Variants in AFG2A observed in about 807,000 individuals in gnomAD.
AFG2A encodes AAA ATPase AFG2A.
the AFG2A span, among the ~76,000 whole-genome samples, chr4:123,055,384 T>C: frequency 0.022 from 3,303 of 152,308 alleles, 63 homozygotes; most frequent in Non-Finnish European, 0.036. Context: ...GAGTTTCTTC[T>C]GTATGTTTTG....
the AFG2A span, among the ~76,000 whole-genome samples, chr4:123,123,900 C>T: frequency 1.4e-3 from 191 of 132,252 alleles, no homozygotes; most frequent in Non-Finnish European, 2.2e-3. Flanking sequence ...TGCAGTGAGT[C>T]GAGATCGCGC....
chr4:123,256,788 T>C, the AFG2A span: 33 of 984,910 alleles, frequency 3.4e-5, no homozygotes, highest in Non-Finnish European at 3.9e-5. Flanking sequence ...AAAATGACTT[T>C]TATGTATGGC....
chr4:122,934,463 G>A, the AFG2A span: 2 of 1,614,228 alleles, frequency 1.2e-6, no homozygotes, highest in African/African-American at 1.3e-5. Flanking sequence ...GGTCTTAAAT[G>A]TAATTTTGAA....
the AFG2A span, among the ~76,000 whole-genome samples, chr4:123,140,953 A>G: frequency 1.3e-5 from 2 of 152,194 alleles, no homozygotes; most frequent in Non-Finnish European, 2.9e-5. Flanking sequence ...TCTAGATTGC[A>G]TAACTAATAA....
the AFG2A span, among the ~76,000 whole-genome samples, chr4:123,103,160 C>G: frequency 6.6e-6 from 1 of 151,964 alleles, no homozygotes; most frequent in Non-Finnish European, 1.5e-5. Flanking sequence ...CAAAGAGCAG[C>G]TTAAAGAAAT....
At chr4:123,077,487 A>G in the AFG2A span, among the ~76,000 whole-genome samples, 1 of 152,196 alleles carries the variant, frequency 6.6e-6, no homozygotes, top group African/African-American at 2.4e-5. Context: ...GGCAGAAACC[A>G]TGAGGCTCAT....
At chr4:122,923,158 A>G in the AFG2A span, 57 of 1,614,188 alleles carry the variant, frequency 3.5e-5, no homozygotes, top group African/African-American at 6.1e-4. Context: ...TTCCAAGAAG[A>G]ATAGAAAGCG....
At chr4:122,969,049 T>G in the AFG2A span, among the ~76,000 whole-genome samples, 1 of 151,974 alleles carries the variant, frequency 6.6e-6, no homozygotes, top group Non-Finnish European at 1.5e-5. Flanking sequence ...TTTAAATATC[T>G]TCTACTCTGT....
At chr4:123,176,676 G>A in the AFG2A span, among the ~76,000 whole-genome samples, 1 of 152,074 alleles carries the variant, frequency 6.6e-6, no homozygotes. Context: ...AGCCTTGTAT[G>A]GACCAATGTG....
At chr4:123,188,753 T>G in the AFG2A span, among the ~76,000 whole-genome samples, 1 of 152,214 alleles carries the variant, frequency 6.6e-6, no homozygotes, top group African/African-American at 2.4e-5. Context: ...ATAAATAGGA[T>G]TAATCATAAA....
the AFG2A span, among the ~76,000 whole-genome samples, chr4:123,218,799 T>G: frequency 1.3e-5 from 2 of 152,178 alleles, no homozygotes; most frequent in African/African-American, 4.8e-5. Flanking sequence ...CACTCTAAGT[T>G]GAGTGGGAAT....
At chr4:123,319,177 TA>T in the AFG2A span, 6 of 152,290 alleles carry the variant, frequency 3.9e-5, no homozygotes, top group Non-Finnish European at 5.9e-5. Flanking sequence ...TTTGCATTTA[TA>T]AAAAAAGATT....
chr4:123,242,510 A>G, the AFG2A span, among the ~76,000 whole-genome samples: 7 of 152,362 alleles, frequency 4.6e-5, no homozygotes, highest in Non-Finnish European at 8.8e-5. Context: ...AGGATTCCCT[A>G]TTTAATACAT....
At chr4:123,165,927 TTTG>T in the AFG2A span, among the ~76,000 whole-genome samples, 1 of 152,216 alleles carries the variant, frequency 6.6e-6, no homozygotes, top group African/African-American at 2.4e-5. Context: ...GCCTTAAATA[TTTG>T]TTAATATCTG....
At chr4:123,048,145 C>T in the AFG2A span, among the ~76,000 whole-genome samples, 14 of 151,962 alleles carry the variant, frequency 9.2e-5, no homozygotes, top group African/African-American at 3.4e-4. Flanking sequence ...TTCTTGATGC[C>T]CTTGTCGAAA....
chr4:123,312,711 A>T, the AFG2A span, among the ~76,000 whole-genome samples: 1 of 152,242 alleles, frequency 6.6e-6, no homozygotes, highest in Non-Finnish European at 1.5e-5. Context: ...AAACATTAAC[A>T]TGCATAACCA....
chr4:123,208,590 AACCTG>A, the AFG2A span, among the ~76,000 whole-genome samples: 1 of 152,220 alleles, frequency 6.6e-6, no homozygotes, highest in Non-Finnish European at 1.5e-5. Flanking sequence ...TACAGTAACT[AACCTG>A]TAGAGTCTGC....
chr4:123,045,286 T>C, the AFG2A span, among the ~76,000 whole-genome samples: 4 of 150,352 alleles, frequency 2.7e-5, no homozygotes, highest in Non-Finnish European at 5.9e-5. Context: ...ATATGCCCCA[T>C]CACAGCTGAA....
the AFG2A span, among the ~76,000 whole-genome samples, chr4:123,100,618 G>T: frequency 6.6e-6 from 1 of 151,818 alleles, no homozygotes; most frequent in Non-Finnish European, 1.5e-5. Context: ...CCTCTACCCT[G>T]AATACCTTGC....
Sources: allele counts gnomAD v4.1 joint callset (sites outside exome capture counted in the v4.1 genomes callset), GRCh38; gene constraint gnomAD v4.1.1; transcripts MANE v1.5; gene names NCBI Gene and HGNC (gene_info 2026-07-23, HGNC 2026-07-21).